ATP6V1D: variants seen among roughly 807,000 people sequenced by gnomAD.
ATP6V1D encodes V-type proton ATPase subunit D.
A neutral mutation model predicts 39.4 loss-of-function variants in ATP6V1D; 20 were observed. The ratio of observed to expected loss-of-function variants is 0.51; its 90% CI spans 0.36 to 0.74. The LOEUF (loss-of-function observed/expected upper bound fraction) is 0.74, where lower values mean the gene tolerates loss of function less well. ATP6V1D is among the 30% of genes least tolerant of loss of function. The pLI, the probability that ATP6V1D is intolerant of heterozygous loss-of-function variation, is 0.00. For missense variants in ATP6V1D, 228 were observed against 291.6 expected, an observed-to-expected ratio of 0.78 and a Z score of 1.59; for synonymous variants, 100 against 100.5, an observed-to-expected ratio of 0.99 and a Z score of 0.03.
intron 7 of ATP6V1D, 21 bp from the exon 8 acceptor site, chr14:67,340,539 A>T (rs369983291): frequency 6.3e-7 from 1 of 1,593,216 alleles, no homozygotes; most frequent in Non-Finnish European, 8.6e-7. Flanking sequence ...AAAAAAAATA[A>T]TATGTGTGAG....
chr14:67,345,125 C>T (rs759981912), intron 6 of ATP6V1D, among the ~76,000 whole-genome samples: 49 of 151,452 alleles, frequency 3.2e-4, no homozygotes, highest in Non-Finnish European at 5.9e-4. Flanking sequence ...GCCTATAGTC[C>T]CAGCTACTCA....
At chr14:67,353,931 G>T (rs2085670602) in intron 1 of ATP6V1D, 1 of 151,442 alleles carries the variant, frequency 6.6e-6, no homozygotes, top group African/African-American at 2.4e-5. Flanking sequence ...TGGGATTATG[G>T]GCATGAACCA....
At chr14:67,356,502 AC>A (rs1392756642) in intron 1 of ATP6V1D, among the ~76,000 whole-genome samples, 25 of 152,252 alleles carry the variant, frequency 1.6e-4, no homozygotes, top group African/African-American at 5.8e-4. Flanking sequence ...GGAATCTTTT[AC>A]CATAGGGCTA....
intron 8 of ATP6V1D, 181 bp downstream of exon 8, chr14:67,340,259 G>T: frequency 1.8e-6 from 1 of 562,108 alleles, no homozygotes; most frequent in Non-Finnish European, 3.1e-6. Flanking sequence ...ATAGGTACAT[G>T]TAAAATTTGA....
chr14:67,354,465 C>G (rs1244664063), intron 1 of ATP6V1D, among the ~76,000 whole-genome samples: 1 of 152,018 alleles, frequency 6.6e-6, no homozygotes, highest in East Asian at 1.9e-4. Flanking sequence ...GGAATTTATC[C>G]TACAAATTTA....
chr14:67,359,285 C>A (rs1177716736), intron 1 of ATP6V1D, among the ~76,000 whole-genome samples: 6 of 152,210 alleles, frequency 3.9e-5, no homozygotes, highest in African/African-American at 1.4e-4. Context: ...AGACGAATGT[C>A]TGGCTACGTA....
chr14:67,338,470 A>G lies in ATP6V1D; in HGVS notation c.*151T>C, dbSNP rs111919038. ...ATGGTTGCTAAATTATGATTCTGCA[A>G]AAGTAATCCCATAAATAGACATCTA... On this transcript the variant is annotated 3_prime_UTR_variant, in exon 9 of 9. Coordinates refer to ENST00000216442, the MANE Select transcript of ATP6V1D (RefSeq NM_015994.4). The G allele has an allele frequency of 1.2e-5, 10 of 833,754 alleles. No homozygotes were observed. The African/African-American group carries it at 1.2e-4, about 10-fold the overall frequency. The allele number at this position is 833,754 out of a possible 1,614,324, so 51.6% of individuals were successfully genotyped here. A position where few individuals can be genotyped will look rare whatever the true frequency, so the allele number is the denominator to read the frequency against.
rs920224314 is a variant in ATP6V1D, at chr14:67,352,953, T to C, written c.129A>G (p.Arg43=). The C allele has an allele frequency of 2.5e-6, 4 of 1,612,830 alleles. No individual in the cohort carries two copies. Among genetic ancestry groups the C allele is most frequent in the Admixed American group, 1.7e-5 (1 of 59,994 alleles). Residue 43 remains arginine, a synonymous_variant, in exon 2 of 9, where the codon CGA becomes CGG. Transcript: ENST00000216442. ...LKKKSDALTL[R]FRQILKKIIE... ...TTATCTTCTTTAGGATCTGTCGAAA[T>C]CGAAGAGTTAAGGCATCAGATTTTT...
intron 8 of ATP6V1D, 138 bp downstream of exon 8, chr14:67,340,287 CTTCTGGTAATAATAT>C: frequency 1.6e-6 from 1 of 641,246 alleles, no homozygotes; most frequent in Non-Finnish European, 2.6e-6. Context: ...GTTTCCACAA[CTTCTGGTAATAATAT>C]TTCTTGCTGC....
intron 1 of ATP6V1D, among the ~76,000 whole-genome samples, chr14:67,358,779 G>A (rs1049087030): frequency 4.6e-5 from 7 of 152,108 alleles, no homozygotes; most frequent in African/African-American, 1.7e-4. Context: ...TTGAGAAAAC[G>A]TCAAAATTTT....
intron 5 of ATP6V1D, 143 bp from the exon 6 acceptor site, chr14:67,346,014 T>C: frequency 1.6e-6 from 1 of 624,848 alleles, no homozygotes; most frequent in East Asian, 2.8e-5. Context: ...ATGAAGTGCC[T>C]ATCTCACTCC....
At chr14:67,350,515 A>T (rs1165005307) in intron 3 of ATP6V1D, 96 bp downstream of exon 3, 40 of 1,051,212 alleles carry the variant, frequency 3.8e-5, no homozygotes. Flanking sequence ...ATTTGTCCTT[A>T]ACGCTTATTT....
At chr14:67,354,246 CT>C (rs2085672027) in intron 1 of ATP6V1D, among the ~76,000 whole-genome samples, 1 of 152,146 alleles carries the variant, frequency 6.6e-6, no homozygotes, top group African/African-American at 2.4e-5. Context: ...TAATCAATAT[CT>C]GGAATATTTA....
rs564827042 is a variant in ATP6V1D, at chr14:67,344,318, G to A, written c.457-880C>T. ...CACCCAACTTTGTTGGTGTCTTCCC[G>A]GGTCAATCCTCACATTTGGCTTTCA... On this transcript the variant is annotated intron_variant, in intron 6 of 8. Coordinates refer to ENST00000216442, the MANE Select transcript of ATP6V1D (RefSeq NM_015994.4). Among the ~76,000 whole-genome samples the A allele has an allele frequency of 3.9e-5, 6 of 152,136 alleles. No individual in the cohort carries two copies. The South Asian group carries it at 6.2e-4, about 16-fold the overall frequency.
In ATP6V1D at chr14:67,338,741, C is replaced by T; in HGVS notation, c.624G>A (p.Lys208=). ...CAGATTTTTCCTTTAGAATCTTTTT[C>T]TTCTCTTGTATTTTCTTTAACCTGT... is the stretch of plus-strand genomic sequence containing the variant. ...EFYRLKKIQE[K]KKILKEKSEK... Residue 208 remains lysine (K), a synonymous_variant, in exon 9 of 9, where the codon AAG becomes AAA. Coordinates refer to ENST00000216442, the MANE Select transcript of ATP6V1D (RefSeq NM_015994.4). 6.2e-7 allele frequency: 1 copy of T among 1,612,834 alleles called. No homozygotes were observed. The highest frequency in any genetic ancestry group is 8.5e-7 in the Non-Finnish European group (1 of 1,179,080).
intron 2 of ATP6V1D, among the ~76,000 whole-genome samples, chr14:67,351,633 C>T (rs568511908): frequency 4.3e-4 from 65 of 152,116 alleles, no homozygotes; most frequent in Non-Finnish European, 8.5e-4. Flanking sequence ...CTCAGGCTCC[C>T]AAGTAGCTGG....
chr14:67,359,056 TGA>T (rs951601147), intron 1 of ATP6V1D, among the ~76,000 whole-genome samples: 2 of 152,130 alleles, frequency 1.3e-5, no homozygotes, highest in African/African-American at 4.8e-5. Context: ...GGTGCAGCGG[TGA>T]GAGAGCAAAA....
At chr14:67,344,782 T>C (rs1429997156) in intron 6 of ATP6V1D, among the ~76,000 whole-genome samples, 2 of 151,718 alleles carry the variant, frequency 1.3e-5, no homozygotes, top group African/African-American at 4.9e-5. Flanking sequence ...CTTGGGAGGC[T>C]GAGGCGGGAG....
At chr14:67,344,645 G>A (rs1450147058) in intron 6 of ATP6V1D, among the ~76,000 whole-genome samples, 2 of 152,110 alleles carry the variant, frequency 1.3e-5, no homozygotes, top group Non-Finnish European at 2.9e-5. Flanking sequence ...TTGGGAGGCT[G>A]AGATGGCAGG....
Sources: allele counts gnomAD v4.1 joint callset (sites outside exome capture counted in the v4.1 genomes callset), GRCh38; gene constraint gnomAD v4.1.1; transcripts MANE v1.5; gene names NCBI Gene and HGNC (gene_info 2026-07-23, HGNC 2026-07-21).